PRKCA: variants seen among roughly 807,000 people sequenced by gnomAD.
PRKCA encodes protein kinase C alpha type.
PRKCA carries 27 observed loss-of-function variants against 87.0 expected under a neutral mutation model. The observed-to-expected ratio is 0.31, with a 90% confidence interval of 0.23 to 0.43. PRKCA has a LOEUF of 0.43. Ranked by LOEUF, PRKCA falls within the 20% of genes least tolerant of loss-of-function variation. The pLI is 1.00. For synonymous variants in PRKCA, 329 were observed against 311.1 expected (o/e 1.06, Z -0.61); for missense variants, 518 against 852.3 (o/e 0.61, Z 4.88).
chr17:66,408,458 C>T (rs1452467950), intron 2 of PRKCA, among the ~76,000 whole-genome samples: 5 of 152,132 alleles, frequency 3.3e-5, no homozygotes, highest in African/African-American at 1.2e-4. Context: ...ACATTTAATC[C>T]ATGTCAACTA....
At chr17:66,327,162 A>T (rs1011223142) in intron 2 of PRKCA, among the ~76,000 whole-genome samples, 6 of 151,834 alleles carry the variant, frequency 4.0e-5, no homozygotes, top group African/African-American at 1.5e-4. Flanking sequence ...TGAGGTCAGG[A>T]GAGACCATCC....
chr17:66,688,815 G>A lies in PRKCA; in HGVS notation c.822-136G>A, dbSNP rs546755456. On this transcript the variant is annotated intron_variant, in intron 7 of 16. Coordinates refer to ENST00000413366, the MANE Select transcript of PRKCA (RefSeq NM_002737.3). ...TACCCTGTCTCAAAAATATAAAAAT[G>A]TAAAAAAAGTCAAATGTCTACTGAT... 1.1e-5 allele frequency: 7 copies of A among 658,094 alleles called. No individual in the cohort carries two copies. The East Asian group carries it at 2.0e-4, about 19-fold the overall frequency. The allele number at this position is 658,094 out of a possible 1,614,324, so 40.8% of individuals were successfully genotyped here.
intron 2 of PRKCA, among the ~76,000 whole-genome samples, chr17:66,439,210 T>G (rs1209992308): frequency 2.0e-5 from 3 of 151,930 alleles, no homozygotes; most frequent in Non-Finnish European, 2.9e-5. Flanking sequence ...AGACAGAGTC[T>G]TGCTTTGTTG....
chr17:66,585,692 G>A (rs1969572765), intron 3 of PRKCA, among the ~76,000 whole-genome samples: 1 of 152,212 alleles, frequency 6.6e-6, no homozygotes, highest in South Asian at 2.1e-4. Flanking sequence ...GCGGAGCAGG[G>A]AGCCAGCAGC....
intron 3 of PRKCA, among the ~76,000 whole-genome samples, chr17:66,586,323 G>A (rs1969597213): frequency 6.7e-6 from 1 of 150,038 alleles, no homozygotes; most frequent in South Asian, 2.1e-4. Flanking sequence ...AGTACACAGT[G>A]GGCCCTCAAA....
chr17:66,330,416 A>G (rs537865236), intron 2 of PRKCA, among the ~76,000 whole-genome samples: 44 of 152,232 alleles, frequency 2.9e-4, no homozygotes, highest in Non-Finnish European at 5.1e-4. Flanking sequence ...CCCTGGAGAT[A>G]ATATTGATAT....
At chr17:66,359,107 A>G (rs193280954) in intron 2 of PRKCA, among the ~76,000 whole-genome samples, 1 of 152,260 alleles carries the variant, frequency 6.6e-6, no homozygotes, top group Admixed American at 6.5e-5. Context: ...TTGAAAATCT[A>G]GTGCAAAATT....
intron 2 of PRKCA, among the ~76,000 whole-genome samples, chr17:66,438,685 G>T (rs191623630): frequency 7.2e-5 from 11 of 152,264 alleles, no homozygotes; most frequent in Non-Finnish European, 1.3e-4. Context: ...CTGCATGGCT[G>T]GGGAGGCCTC....
chr17:66,546,489 G>GT (rs1379856037), intron 3 of PRKCA, among the ~76,000 whole-genome samples: 1 of 152,122 alleles, frequency 6.6e-6, no homozygotes, highest in Non-Finnish European at 1.5e-5. Flanking sequence ...ATTTTCCTAC[G>GT]TTGTGTTAGT....
intron 5 of PRKCA, among the ~76,000 whole-genome samples, chr17:66,661,567 T>C (rs1484774865): frequency 6.6e-6 from 1 of 152,208 alleles, no homozygotes; most frequent in African/African-American, 2.4e-5. Context: ...TTTGAACACG[T>C]CAACCTGCTC....
chr17:66,499,403 G>A (rs1191775287), intron 3 of PRKCA, among the ~76,000 whole-genome samples: 1 of 152,194 alleles, frequency 6.6e-6, no homozygotes, highest in East Asian at 1.9e-4. Context: ...TGTTTGTTAT[G>A]AATTCTCTAC....
chr17:66,529,532 C>T (rs1461742936), intron 3 of PRKCA, among the ~76,000 whole-genome samples: 4 of 152,124 alleles, frequency 2.6e-5, no homozygotes, highest in Non-Finnish European at 5.9e-5. Context: ...TGACATTACC[C>T]GATGAGCTCT....
intron 3 of PRKCA, chr17:66,554,491 C>T (rs1414196049): frequency 1.1e-6 from 1 of 913,746 alleles, no homozygotes. Context: ...ATTCCCGTGA[C>T]TACTCACATC....
chr17:66,580,683 A>G (rs796457253), intron 3 of PRKCA, among the ~76,000 whole-genome samples: 42 of 151,740 alleles, frequency 2.8e-4, no homozygotes, highest in African/African-American at 1.0e-3. Flanking sequence ...TGTGCGGTAA[A>G]GTGGGTTTTC....
At chr17:66,407,847 C>A (rs1273959360) in intron 2 of PRKCA, among the ~76,000 whole-genome samples, 1 of 152,176 alleles carries the variant, frequency 6.6e-6, no homozygotes, top group Admixed American at 6.5e-5. Context: ...TATTCTTGAA[C>A]ATTGCAAGCC....
chr17:66,501,360 C>G (rs1916721580), intron 3 of PRKCA, among the ~76,000 whole-genome samples: 1 of 152,182 alleles, frequency 6.6e-6, no homozygotes, highest in South Asian at 2.1e-4. Flanking sequence ...TCCTCTGCCC[C>G]TTCTGGATGA....
intron 3 of PRKCA, among the ~76,000 whole-genome samples, chr17:66,541,228 C>T (rs572648724): frequency 1.3e-5 from 2 of 152,276 alleles, no homozygotes; most frequent in African/African-American, 4.8e-5. Flanking sequence ...TTGTGTGCCG[C>T]TTCTCCACTG....
intron 2 of PRKCA, among the ~76,000 whole-genome samples, chr17:66,311,355 C>T (rs1158533826): frequency 6.6e-6 from 1 of 152,140 alleles, no homozygotes; most frequent in African/African-American, 2.4e-5. Flanking sequence ...GTGGCTCATG[C>T]CTGTCATCCC....
At chr17:66,317,589 A>G (rs539660746) in intron 2 of PRKCA, among the ~76,000 whole-genome samples, 37 of 152,310 alleles carry the variant, frequency 2.4e-4, no homozygotes, top group Middle Eastern at 6.8e-3. Context: ...AGCTGTACAG[A>G]TAAGTAGCCA....
Sources: allele counts gnomAD v4.1 joint callset (sites outside exome capture counted in the v4.1 genomes callset), GRCh38; gene constraint gnomAD v4.1.1; transcripts MANE v1.5; gene names NCBI Gene and HGNC (gene_info 2026-07-23, HGNC 2026-07-21).